Variants in TERB1 observed in about 807,000 individuals in gnomAD.
TERB1 encodes telomere repeats-binding bouquet formation protein 1.
In TERB1, 63 loss-of-function variants were observed where a neutral mutation model predicts 92.3. That is an observed-to-expected ratio of 0.68 (90% confidence interval 0.56 to 0.84). The LOEUF (loss-of-function observed/expected upper bound fraction) is 0.84. Ranked by LOEUF, TERB1 falls within the 40% of genes least tolerant of loss-of-function variation. TERB1 has a pLI of 0.00. For synonymous variants in TERB1, 252 were observed against 283.9 expected (o/e 0.89, Z 1.13); for missense variants, 709 against 843.7 (o/e 0.84, Z 1.98).
At chr16:66,763,639 T>G (rs1313364073) in intron 16 of TERB1, among the ~76,000 whole-genome samples, 1 of 152,198 alleles carries the variant, frequency 6.6e-6, no homozygotes, top group Non-Finnish European at 1.5e-5. Context: ...CCTCTTTTTT[T>G]AAATATTAAG....
chr16:66,787,283 C>CTTTTTT (rs58213946), intron 6 of TERB1, among the ~76,000 whole-genome samples: 21 of 137,880 alleles, frequency 1.5e-4, no homozygotes, highest in Non-Finnish European at 2.2e-4. Context: ...TTTTCTTTTT[C>CTTTTTT]TTTTTTTTTT....
intron 3 of TERB1, 69 bp from the exon 4 acceptor site, chr16:66,791,088 C>T (rs552235856): frequency 1.2e-6 from 1 of 805,450 alleles, no homozygotes; most frequent in African/African-American, 1.7e-5. Context: ...TCAAATTTCA[C>T]TTACTAAATA....
intron 3 of TERB1, among the ~76,000 whole-genome samples, chr16:66,796,204 G>A (rs895555562): frequency 2.6e-5 from 4 of 152,126 alleles, no homozygotes; most frequent in African/African-American, 9.7e-5. Flanking sequence ...AATGCAAAAC[G>A]CAGTGGAAAA....
intron 16 of TERB1, among the ~76,000 whole-genome samples, chr16:66,761,122 AAAAAG>A (rs1460188637): frequency 1.3e-5 from 2 of 149,548 alleles, no homozygotes; most frequent in African/African-American, 2.5e-5. Context: ...AAAAAAAAAA[AAAAAG>A]AAAAGAAAAG....
intron 16 of TERB1, among the ~76,000 whole-genome samples, chr16:66,766,299 A>C (rs1462756855): frequency 6.6e-6 from 1 of 152,228 alleles, no homozygotes; most frequent in Non-Finnish European, 1.5e-5. Flanking sequence ...AAAAGATATG[A>C]GATTCAGCTT....
intron 3 of TERB1, 76 bp downstream of exon 3, chr16:66,796,692 G>C: frequency 3.0e-6 from 3 of 998,982 alleles, no homozygotes; most frequent in South Asian, 2.9e-5. Context: ...TCATTTCCTG[G>C]ATCCTGTCAG....
intron 9 of TERB1, among the ~76,000 whole-genome samples, chr16:66,780,635 TTA>T (rs1473683447): frequency 6.6e-5 from 10 of 151,968 alleles, no homozygotes; most frequent in Admixed American, 3.3e-4. Flanking sequence ...CCACAGATTC[TTA>T]GTTATAGCCT....
At chr16:66,773,766 AC>A (rs1252384380) in intron 12 of TERB1, among the ~76,000 whole-genome samples, 4 of 152,192 alleles carry the variant, frequency 2.6e-5, no homozygotes, top group African/African-American at 9.6e-5. Flanking sequence ...TTTTTGAGTT[AC>A]TGTCTATTTC....
chr16:66,759,237 G>A lies in TERB1; in HGVS notation c.1834C>T (p.His612Tyr). Residue 612 changes from histidine (H) to tyrosine (Y), a missense_variant, in exon 17 of 19, where the codon CAC becomes TAC. Coordinates refer to ENST00000433154, the MANE Select transcript of TERB1 (RefSeq NM_001136505.2). ...CGATCACATTGGTATGGGCAAGAGT[G>A]CAAGAGCTTGCTAAAGTTTCGGCTA... is the stretch of plus-strand genomic sequence containing the variant. ...LNSRNFSKLL[H>Y]SCPYQCDRHK... is the part of the protein sequence containing the mutation. 1.3e-6 allele frequency: 2 copies of A among 1,547,914 alleles called. No homozygotes were observed. The highest frequency in any genetic ancestry group is 1.7e-6 in the Non-Finnish European group (2 of 1,145,986).
At chr16:66,760,992 G>C (rs1404353490) in intron 16 of TERB1, among the ~76,000 whole-genome samples, 1 of 143,636 alleles carries the variant, frequency 7.0e-6, no homozygotes, top group Admixed American at 7.1e-5. Context: ...GGTGCCTGTA[G>C]TCCCAGCTAC....
chr16:66,765,131 A>G (rs1567466819), intron 16 of TERB1, among the ~76,000 whole-genome samples: 1 of 152,216 alleles, frequency 6.6e-6, no homozygotes, highest in Non-Finnish European at 1.5e-5. Flanking sequence ...AGTGCCAGCC[A>G]AGGACTAAGC....
At chr16:66,780,401 TAA>T (rs5817602) in intron 9 of TERB1, among the ~76,000 whole-genome samples, 1 of 147,210 alleles carries the variant, frequency 6.8e-6, no homozygotes, top group Non-Finnish European at 1.5e-5. Context: ...CTCTACAAAA[TAA>T]AAAAAAAAAA....
chr16:66,788,335 T>C, intron 5 of TERB1, 38 bp from the exon 6 acceptor site: 1 of 1,439,020 alleles, frequency 6.9e-7, no homozygotes, highest in Non-Finnish European at 9.2e-7. Context: ...CAATGCATTG[T>C]CACAAACATG....
At chr16:66,800,064 A>T (rs363197) in intron 2 of TERB1, 74,614 of 152,020 alleles carry the variant, frequency 0.49, 19,066 homozygotes, top group East Asian at 0.63. Flanking sequence ...TAGAAAATGT[A>T]TACAAAAGCT....
rs926088646 is a variant in TERB1, at chr16:66,755,196, T to G, written c.1997-33A>C. ...TAGAATTGTAGAATATATTAGTATT[T>G]GCTGAACAAAGGTCCTGAGATGCAA... On this transcript the variant is annotated intron_variant, in intron 18 of 18. Coordinates refer to ENST00000433154, the MANE Select transcript of TERB1 (RefSeq NM_001136505.2). 95 of 1,358,458 alleles carry G rather than the reference T, an allele frequency of 7.0e-5. No individual in the cohort carries two copies. In the East Asian group the frequency reaches 2.3e-3, roughly 33 times the overall value. The allele number at this position is 1,358,458 out of a possible 1,614,324, so 84.2% of individuals were successfully genotyped here. A position where few individuals can be genotyped will look rare whatever the true frequency, so the allele number is the denominator to read the frequency against.
intron 15 of TERB1, 28 bp from the exon 16 acceptor site, chr16:66,767,538 T>A: frequency 2.7e-5 from 23 of 842,638 alleles, no homozygotes; most frequent in Non-Finnish European, 4.1e-5. Context: ...ATGAAGGATT[T>A]TTGGATTAAT....
chr16:66,785,114 G>A (rs2018706663), intron 9 of TERB1, among the ~76,000 whole-genome samples: 1 of 150,858 alleles, frequency 6.6e-6, no homozygotes, highest in Non-Finnish European at 1.5e-5. Flanking sequence ...CCGTCTCCTG[G>A]GCTCACGCGA....
intron 5 of TERB1, among the ~76,000 whole-genome samples, chr16:66,789,017 CAAAAAA>C (rs57876042): frequency 7.3e-5 from 5 of 68,330 alleles, no homozygotes; most frequent in Non-Finnish European, 1.2e-4. Flanking sequence ...GGTATGGTAC[CAAAAAA>C]AAAAAAAAAA....
Position 66,790,576 on chromosome 16 carries a change from A to G in TERB1, c.271+19T>C. On this transcript the variant is annotated intron_variant, in intron 5 of 18. Transcript: ENST00000433154. ...AACACAATGCTTAAAGTATAATGAAATAAAGTTTTATATTTTACCATTTTT... is the reference window on the plus strand; with the variant it reads ...AACACAATGCTTAAAGTATAATGAAGTAAAGTTTTATATTTTACCATTTTT... 9 of 1,500,370 alleles carry G rather than the reference A, an allele frequency of 6.0e-6. No individual in the cohort carries two copies. The highest frequency in any genetic ancestry group is 8.1e-6 in the Non-Finnish European group (9 of 1,108,122). The allele number at this position is 1,500,370 out of a possible 1,614,324, so 92.9% of individuals were successfully genotyped here. A position where few individuals can be genotyped will look rare whatever the true frequency, so the allele number is the denominator to read the frequency against.
Sources: gnomAD v4.1 joint callset for allele counts (sites outside exome capture counted in the v4.1 genomes callset) on GRCh38, gnomAD v4.1.1 for gene constraint, MANE v1.5 for transcripts, NCBI Gene and HGNC (gene_info 2026-07-23, HGNC 2026-07-21) for gene names.